Variants in MSRA observed in about 807,000 individuals in gnomAD.
MSRA encodes methionine sulfoxide reductase A.
Under a neutral mutation model 31.3 loss-of-function variants are expected in MSRA, and 54 were observed. The ratio of observed to expected loss-of-function variants is 1.73; its 90% CI spans 1.39 to 2.17. The LOEUF (loss-of-function observed/expected upper bound fraction) is 2.17. Ranked by LOEUF, MSRA falls within the 30% of genes most tolerant of loss-of-function variation. The pLI, the probability that MSRA is intolerant of heterozygous loss-of-function variation, is 0.00. For synonymous variants in MSRA, 169 were observed against 116.5 expected, an observed-to-expected ratio of 1.45 and a Z score of -2.90; for missense variants, 507 against 300.9, an observed-to-expected ratio of 1.69 and a Z score of -5.07.
intron 1 of MSRA, among the ~76,000 whole-genome samples, chr8:10,120,741 C>T (rs979678614): frequency 6.6e-6 from 1 of 152,128 alleles, no homozygotes; most frequent in South Asian, 2.1e-4. Flanking sequence ...TCTTAACTGA[C>T]CTGCCCTTGC....
chr8:10,392,328 G>A (rs1322900696), intron 5 of MSRA, among the ~76,000 whole-genome samples: 1 of 152,170 alleles, frequency 6.6e-6, no homozygotes, highest in East Asian at 1.9e-4. Flanking sequence ...GGATCGTGAT[G>A]GCTAGAAGGA....
At chr8:10,346,722 T>C (rs1803799920) in intron 5 of MSRA, among the ~76,000 whole-genome samples, 1 of 152,216 alleles carries the variant, frequency 6.6e-6, no homozygotes, top group South Asian at 2.1e-4. Context: ...GGGGTACCTA[T>C]TTAGCTTTCT....
At chr8:10,405,811 G>A (rs111816922) in intron 5 of MSRA, among the ~76,000 whole-genome samples, 1,703 of 150,038 alleles carry the variant, frequency 0.011, 30 homozygotes, top group African/African-American at 0.039. Flanking sequence ...ACATGCTCGC[G>A]TACACCCATG....
At chr8:10,125,242 C>G (rs1004428555) in intron 1 of MSRA, among the ~76,000 whole-genome samples, 3 of 152,330 alleles carry the variant, frequency 2.0e-5, no homozygotes, top group South Asian at 2.1e-4. Context: ...GACATGTACT[C>G]TCTGCTTCCT....
intron 5 of MSRA, among the ~76,000 whole-genome samples, chr8:10,346,370 G>A (rs1331618851): frequency 6.6e-6 from 1 of 152,168 alleles, no homozygotes; most frequent in Non-Finnish European, 1.5e-5. Flanking sequence ...CATGGCTGCT[G>A]GTTCCCCACT....
At chr8:10,067,288 G>A (rs814403) in intron 1 of MSRA, among the ~76,000 whole-genome samples, 35,083 of 151,930 alleles carry the variant, frequency 0.23, 4,375 homozygotes, top group Admixed American at 0.32. Context: ...TAGCCTTTTC[G>A]GTTGGCTTCT....
chr8:10,394,600 C>G (rs1806978462), intron 5 of MSRA, among the ~76,000 whole-genome samples: 2 of 152,194 alleles, frequency 1.3e-5, no homozygotes, highest in South Asian at 2.1e-4. Context: ...ATGGGAAAAC[C>G]AAGGCTCAGA....
intron 2 of MSRA, among the ~76,000 whole-genome samples, chr8:10,208,133 G>A (rs763514974): frequency 3.3e-5 from 5 of 151,944 alleles, no homozygotes; most frequent in Non-Finnish European, 5.9e-5. Flanking sequence ...GTATCAAACT[G>A]AGTATTTGCT....
intron 5 of MSRA, among the ~76,000 whole-genome samples, chr8:10,419,983 G>T (rs1475263266): frequency 6.6e-6 from 1 of 152,196 alleles, no homozygotes; most frequent in Non-Finnish European, 1.5e-5. Context: ...ACAGGCTGGA[G>T]CATAACGAGG....
intron 5 of MSRA, among the ~76,000 whole-genome samples, chr8:10,335,083 G>T (rs753622200): frequency 2.6e-5 from 4 of 152,170 alleles, no homozygotes; most frequent in Admixed American, 6.5e-5. Context: ...GACGGGCCGG[G>T]CGCAGGGACC....
intron 5 of MSRA, among the ~76,000 whole-genome samples, chr8:10,385,520 C>G (rs774063421): frequency 6.6e-6 from 1 of 151,986 alleles, no homozygotes; most frequent in Non-Finnish European, 1.5e-5. Context: ...ATGGGTTTGA[C>G]CTTGACAATT....
intron 1 of MSRA, among the ~76,000 whole-genome samples, chr8:10,205,092 G>T (rs548194357): frequency 4.6e-5 from 7 of 152,262 alleles, no homozygotes; most frequent in African/African-American, 1.7e-4. Flanking sequence ...TTTGACTGTG[G>T]CCTGAGAGTC....
intron 1 of MSRA, among the ~76,000 whole-genome samples, chr8:10,076,871 C>T (rs1259135676): frequency 6.6e-6 from 1 of 151,250 alleles, no homozygotes; most frequent in Non-Finnish European, 1.5e-5. Flanking sequence ...GGATGGGGGG[C>T]TGGGGAAGAG....
intron 1 of MSRA, among the ~76,000 whole-genome samples, chr8:10,159,412 G>T (rs764780497): frequency 1.3e-5 from 2 of 152,226 alleles, no homozygotes; most frequent in African/African-American, 4.8e-5. Context: ...TATATCAGCA[G>T]TATCTCCAGA....
intron 1 of MSRA, among the ~76,000 whole-genome samples, chr8:10,067,910 G>T: frequency 9.9e-6 from 1 of 101,046 alleles, no homozygotes. Context: ...TTTGGAGACA[G>T]TCTTACACTA....
rs531377706 is a variant in MSRA at position 10,405,398 on chromosome 8, G to A, written c.544-22750G>A. Among the ~76,000 whole-genome samples the A allele has an allele frequency of 5.1e-4, 77 of 152,322 alleles. 1 individual carries two copies. The highest frequency in any genetic ancestry group is 1.7e-3 in the African/African-American group (72 of 41,570). On this transcript the variant is annotated intron_variant, in intron 5 of 5. Transcript: ENST00000317173. The stretch of plus-strand genomic sequence containing the variant: ...AGCCAGATGAGGGGACATCTGGCGC[G>A]AGATGGTCGCCAAGTCACTGCTGTT...
rs547880550 is a variant in MSRA, at chr8:10,245,821, C to G, written c.331+598C>G. ...TTCACTTTTATACCATTGGCCAAAG[C>G]AAGTCATATGCGCTAGCTAGACCAG... On this transcript the variant is annotated intron_variant, in intron 3 of 5. Coordinates refer to ENST00000317173, the MANE Select transcript of MSRA (RefSeq NM_012331.5). Among the ~76,000 whole-genome samples, 6 of 152,202 alleles carry G rather than the reference C, an allele frequency of 3.9e-5. No homozygotes were observed. The East Asian group carries it at 1.2e-3, about 29-fold the overall frequency.
intron 1 of MSRA, among the ~76,000 whole-genome samples, chr8:10,102,563 A>G (rs1442719760): frequency 6.6e-6 from 1 of 152,234 alleles, no homozygotes; most frequent in African/African-American, 2.4e-5. Flanking sequence ...TCCTTGTCAG[A>G]TAATTCCAAC....
chr8:10,068,387 T>C (rs1335987001), intron 1 of MSRA, among the ~76,000 whole-genome samples: 1 of 152,210 alleles, frequency 6.6e-6, no homozygotes, highest in Non-Finnish European at 1.5e-5. Flanking sequence ...AAAAAGTTAT[T>C]GCCAAACCGA....
Sources: allele counts gnomAD v4.1 joint callset (sites outside exome capture counted in the v4.1 genomes callset), GRCh38; gene constraint gnomAD v4.1.1; transcripts MANE v1.5; gene names NCBI Gene and HGNC (gene_info 2026-07-23, HGNC 2026-07-21).